NRXN1: variants seen among roughly 807,000 people sequenced by gnomAD.
The protein encoded by NRXN1 is neurexin 1.
Under a neutral mutation model 150.9 loss-of-function variants are expected in NRXN1, and 39 were observed. The ratio of observed to expected loss-of-function variants is 0.26; its 90% confidence interval spans 0.20 to 0.34. NRXN1 has a LOEUF of 0.34. NRXN1 is among the 10% of genes least tolerant of loss of function. The probability of loss-of-function intolerance (pLI) is 1.00; values close to 1 mark genes in which losing one functional copy is unlikely to be tolerated. For synonymous variants in NRXN1, 924 were observed against 757.0 expected, an observed-to-expected ratio of 1.22 and a Z score of -3.62; for missense variants, 1,815 against 1,949.9, an observed-to-expected ratio of 0.93 and a Z score of 1.30.
chr2:50,099,038 C>G (rs1162589667), intron 18 of NRXN1, among the ~76,000 whole-genome samples: 1 of 151,812 alleles, frequency 6.6e-6, no homozygotes, highest in Non-Finnish European at 1.5e-5. Flanking sequence ...GATAGTGTAT[C>G]TTTTCTAATA....
chr2:50,199,430 G>C (rs1180465000), intron 18 of NRXN1: 1 of 151,986 alleles, frequency 6.6e-6, no homozygotes, highest in African/African-American at 2.4e-5. Context: ...TTGCTTTTAA[G>C]AATGTAAAAG....
Position 50,443,990 on chromosome 2 carries a change from C to A in NRXN1, c.3364+21452G>T, listed in dbSNP as rs1040147679. On this transcript the variant is annotated intron_variant, in intron 17 of 22. Coordinates refer to ENST00000401669, the MANE Select transcript of NRXN1 (RefSeq NM_001330078.2). ...TTAAACATAAAATTTGATTTGAATT[C>A]TTGGTATTATAGATGGACTGCTTTT... is the stretch of plus-strand genomic sequence containing the variant. Among the ~76,000 whole-genome samples, 6 of 152,226 alleles carry A rather than the reference C, an allele frequency of 3.9e-5. No homozygotes were observed. The East Asian group carries it at 5.8e-4, about 15-fold the overall frequency.
chr2:50,271,651 T>G (rs1383761958), intron 17 of NRXN1, among the ~76,000 whole-genome samples: 1 of 152,192 alleles, frequency 6.6e-6, no homozygotes, highest in Non-Finnish European at 1.5e-5. Context: ...AGTACATTTA[T>G]GGGCACACAG....
chr2:50,120,533 T>A (rs2152735641), intron 18 of NRXN1, among the ~76,000 whole-genome samples: 1 of 152,338 alleles, frequency 6.6e-6, no homozygotes, highest in Non-Finnish European at 1.5e-5. Flanking sequence ...GGCAATGTGC[T>A]ATGCAATGGA....
intron 5 of NRXN1, among the ~76,000 whole-genome samples, chr2:50,719,781 C>T (rs1033200945): frequency 7.2e-5 from 11 of 152,120 alleles, no homozygotes; most frequent in African/African-American, 2.7e-4. Flanking sequence ...TTGCACATAA[C>T]TCAATTTCTA....
At chr2:50,659,506 G>A (rs1378161501) in intron 5 of NRXN1, among the ~76,000 whole-genome samples, 1 of 151,204 alleles carries the variant, frequency 6.6e-6, no homozygotes, top group Non-Finnish European at 1.5e-5. Flanking sequence ...CTATATAAAT[G>A]GAATGAATCC....
chr2:50,954,970 T>A (rs1352461888), intron 2 of NRXN1, among the ~76,000 whole-genome samples: 1 of 152,046 alleles, frequency 6.6e-6, no homozygotes, highest in African/African-American at 2.4e-5. Flanking sequence ...CCAACTCAAC[T>A]GGCACTTACA....
In NRXN1 at chr2:50,520,791, A is replaced by G. The variant is rs538810966; in HGVS notation, c.2374+7834T>C. Among the ~76,000 whole-genome samples, 10 of 152,070 alleles carry G rather than the reference A, an allele frequency of 6.6e-5. 1 individual carries two copies. The South Asian group carries it at 2.1e-3, about 32-fold the overall frequency. ...TTATTGTACTCATCATAATGGTCTA[A>G]CTCCATATTTATCTGCCTATTTCAA... On this transcript the variant is annotated intron_variant, in intron 12 of 22. Coordinates refer to ENST00000401669, the MANE Select transcript of NRXN1 (RefSeq NM_001330078.2).
intron 18 of NRXN1, among the ~76,000 whole-genome samples, chr2:50,188,967 C>G (rs1164291927): frequency 6.6e-6 from 1 of 152,150 alleles, no homozygotes; most frequent in Non-Finnish European, 1.5e-5. Flanking sequence ...GGCGATTCCT[C>G]AAGGATCTAG....
At chr2:50,886,645 C>A (rs1680295202) in intron 5 of NRXN1, among the ~76,000 whole-genome samples, 1 of 151,350 alleles carries the variant, frequency 6.6e-6, no homozygotes, top group Non-Finnish European at 1.5e-5. Flanking sequence ...TATCAATAGT[C>A]ATTTGTGTGA....
intron 10 of NRXN1, among the ~76,000 whole-genome samples, chr2:50,534,399 GT>G (rs1170744122): frequency 6.6e-6 from 1 of 152,044 alleles, no homozygotes; most frequent in Non-Finnish European, 1.5e-5. Flanking sequence ...AAATATAGTG[GT>G]TCTATATAAT....
intron 5 of NRXN1, among the ~76,000 whole-genome samples, chr2:50,674,737 G>T (rs1034457152): frequency 6.6e-6 from 1 of 152,068 alleles, no homozygotes; most frequent in Non-Finnish European, 1.5e-5. Context: ...TAGCTTGGGT[G>T]AATAATGGTG....
At chr2:50,618,219 G>A (rs1679357446) in intron 8 of NRXN1, among the ~76,000 whole-genome samples, 1 of 152,078 alleles carries the variant, frequency 6.6e-6, no homozygotes, top group South Asian at 2.1e-4. Context: ...TCCCTAGAAT[G>A]GAGTTTCAGA....
chr2:50,010,716 T>A (rs897447580), intron 21 of NRXN1, among the ~76,000 whole-genome samples: 19 of 152,096 alleles, frequency 1.2e-4, no homozygotes. Context: ...GAGAATGACA[T>A]CTCCAGGGAT....
chr2:50,093,269 T>C (rs560294099), intron 18 of NRXN1, among the ~76,000 whole-genome samples: 4 of 152,054 alleles, frequency 2.6e-5, no homozygotes, highest in Admixed American at 1.3e-4. Flanking sequence ...ATGAGAAATA[T>C]GGTGGAAAAT....
At chr2:50,586,228 A>T (rs192177920) in intron 8 of NRXN1, among the ~76,000 whole-genome samples, 1 of 152,178 alleles carries the variant, frequency 6.6e-6, no homozygotes, top group Admixed American at 6.6e-5. Flanking sequence ...CAAAGGGATC[A>T]CCCTCATACC....
At chr2:50,681,799 T>C (rs187855625) in intron 5 of NRXN1, among the ~76,000 whole-genome samples, 20 of 152,326 alleles carry the variant, frequency 1.3e-4, no homozygotes, top group African/African-American at 3.6e-4. Flanking sequence ...TGATGTTAAA[T>C]CAATAATGTT....
chr2:50,567,214 G>C (rs1418120391), intron 8 of NRXN1, among the ~76,000 whole-genome samples: 1 of 152,122 alleles, frequency 6.6e-6, no homozygotes, highest in Non-Finnish European at 1.5e-5. Context: ...TTTCTAAGTT[G>C]CCTTGTAACT....
chr2:50,081,941 C>A (rs370730088), intron 19 of NRXN1, among the ~76,000 whole-genome samples: 3 of 151,608 alleles, frequency 2.0e-5, no homozygotes, highest in Non-Finnish European at 2.9e-5. Flanking sequence ...AACAAAGATA[C>A]TTTTAGGTAA....
Sources: gnomAD v4.1 joint callset for allele counts (sites outside exome capture counted in the v4.1 genomes callset) on GRCh38, gnomAD v4.1.1 for gene constraint, MANE v1.5 for transcripts, NCBI Gene and HGNC (gene_info 2026-07-23, HGNC 2026-07-21) for gene names.